The following ATP8A2 variants were observed in gnomAD, a reference collection of about 807,000 sequenced individuals.
ATP8A2 encodes phospholipid-transporting ATPase IB.
ATP8A2 carries 100 observed loss-of-function variants against 165.6 expected under a neutral mutation model. The ratio of observed to expected loss-of-function variants is 0.60; its 90% confidence interval spans 0.51 to 0.71. The LOEUF (loss-of-function observed/expected upper bound fraction) is 0.71. Ranked by LOEUF, ATP8A2 falls within the 30% of genes least tolerant of loss-of-function variation. The pLI is 0.00. For missense variants in ATP8A2, 1,227 were observed against 1,479.5 expected (o/e 0.83, Z 2.80); for synonymous variants, 543 against 548.8 (o/e 0.99, Z 0.15).
intron 33 of ATP8A2, among the ~76,000 whole-genome samples, chr13:25,900,244 A>C (rs903908675): frequency 2.6e-5 from 4 of 152,176 alleles, no homozygotes; most frequent in African/African-American, 9.7e-5. Flanking sequence ...AAACATGTAC[A>C]GGCACAATTG....
At chr13:25,807,154 G>GTTT (rs55690312) in intron 27 of ATP8A2, among the ~76,000 whole-genome samples, 2 of 145,970 alleles carry the variant, frequency 1.4e-5, no homozygotes, top group African/African-American at 5.0e-5. Context: ...TCTTTATAGT[G>GTTT]TTTTTTTTTT....
At chr13:25,659,017 A>G (rs1299405030) in intron 24 of ATP8A2, among the ~76,000 whole-genome samples, 1 of 152,206 alleles carries the variant, frequency 6.6e-6, no homozygotes, top group African/African-American at 2.4e-5. Context: ...TAAAGGTAGC[A>G]GGGCCTATCA....
At chr13:25,942,366 T>C (rs1955093877) in intron 33 of ATP8A2, among the ~76,000 whole-genome samples, 1 of 152,212 alleles carries the variant, frequency 6.6e-6, no homozygotes, top group Admixed American at 6.5e-5. Flanking sequence ...TTCTCTAACT[T>C]TTTTTATGGT....
At position 25,953,736 on chromosome 13, in the gene ATP8A2, G is replaced by A. The variant is rs117105181; in HGVS notation, c.3184-7839G>A. Among the ~76,000 whole-genome samples, 93 of 152,112 alleles carry A rather than the reference G, an allele frequency of 6.1e-4. No homozygotes were observed. Among genetic ancestry groups the A allele is most frequent in the Non-Finnish European group, 8.2e-4 (56 of 67,998 alleles). On this transcript the variant is annotated intron_variant, in intron 33 of 36. Coordinates refer to ENST00000381655, the MANE Select transcript of ATP8A2 (RefSeq NM_016529.6). The surrounding 1 kb of genome is among the most constrained non-coding windows in gnomAD (Gnocchi z 6.7). ...AGCAGGGTGGGGCGTTGCCTCACCC[G>A]GGAAGCACAGGGGATTGAGGAACTC...
chr13:25,393,793 G>A (rs1010522439), intron 1 of ATP8A2, among the ~76,000 whole-genome samples: 10 of 152,148 alleles, frequency 6.6e-5, no homozygotes, highest in Admixed American at 4.6e-4. Flanking sequence ...TGTTGTGCAT[G>A]CCTTGACTAT....
intron 33 of ATP8A2, among the ~76,000 whole-genome samples, chr13:25,875,171 G>A (rs1385924675): frequency 1.3e-5 from 2 of 152,152 alleles, no homozygotes; most frequent in East Asian, 2.0e-4. Context: ...TTAGAGAGCC[G>A]TTGCACAACA....
chr13:25,991,348 C>T (rs1425641974), intron 35 of ATP8A2, among the ~76,000 whole-genome samples: 1 of 152,154 alleles, frequency 6.6e-6, no homozygotes, highest in Admixed American at 6.5e-5. Flanking sequence ...TACTCAGTTT[C>T]CTTAAATGGT....
At chr13:25,398,269 G>A (rs890671729) in intron 1 of ATP8A2, among the ~76,000 whole-genome samples, 1 of 152,210 alleles carries the variant, frequency 6.6e-6, no homozygotes, top group Admixed American at 6.5e-5. Context: ...GCAGACTGGA[G>A]TTGGGGTCTT....
At chr13:25,917,080 A>G (rs1261636851) in intron 33 of ATP8A2, among the ~76,000 whole-genome samples, 1 of 152,206 alleles carries the variant, frequency 6.6e-6, no homozygotes, top group Non-Finnish European at 1.5e-5. Context: ...CAGATTGTAC[A>G]CAACTCAGAA....
At chr13:25,917,611 A>T (rs1488558195) in intron 33 of ATP8A2, among the ~76,000 whole-genome samples, 1 of 152,202 alleles carries the variant, frequency 6.6e-6, no homozygotes, top group Non-Finnish European at 1.5e-5. Flanking sequence ...ACACTGTGTC[A>T]CTCACTCTAC....
intron 2 of ATP8A2, among the ~76,000 whole-genome samples, chr13:25,470,107 A>G (rs940810602): frequency 1.3e-5 from 2 of 152,180 alleles, no homozygotes; most frequent in African/African-American, 4.8e-5. Context: ...GTATTCCACT[A>G]CTGCACTAAC....
chr13:25,921,598 G>A (rs1305993354), intron 33 of ATP8A2, among the ~76,000 whole-genome samples: 1 of 147,038 alleles, frequency 6.8e-6, no homozygotes, highest in Admixed American at 6.9e-5. Flanking sequence ...ACTCCAGCCT[G>A]GCAACAGAGC....
chr13:25,599,948 A>G (rs897042295), intron 24 of ATP8A2, among the ~76,000 whole-genome samples: 1 of 152,230 alleles, frequency 6.6e-6, no homozygotes, highest in Non-Finnish European at 1.5e-5. Context: ...TACCAACTAT[A>G]GGAACAGTCA....
At chr13:25,575,208 A>G (rs79884606) in intron 19 of ATP8A2, among the ~76,000 whole-genome samples, 16 of 152,172 alleles carry the variant, frequency 1.1e-4, no homozygotes, top group African/African-American at 3.6e-4. Flanking sequence ...AAGTCCCATG[A>G]GGTCATTCCT....
At chr13:25,801,880 A>T (rs1260906549) in intron 27 of ATP8A2, among the ~76,000 whole-genome samples, 4 of 152,130 alleles carry the variant, frequency 2.6e-5, no homozygotes, top group Admixed American at 6.5e-5. Flanking sequence ...TTCACATGGC[A>T]GCATCAAGGA....
intron 27 of ATP8A2, among the ~76,000 whole-genome samples, chr13:25,777,515 ATTACT>A (rs943969241): frequency 6.1e-4 from 93 of 152,346 alleles, no homozygotes; most frequent in African/African-American, 2.1e-3. Context: ...AATTAAATAC[ATTACT>A]TATTTATCTT....
intron 35 of ATP8A2, among the ~76,000 whole-genome samples, chr13:26,002,411 G>A (rs1956645017): frequency 6.6e-6 from 1 of 151,532 alleles, no homozygotes; most frequent in African/African-American, 2.4e-5. Context: ...ACCAGGGCCT[G>A]TCGTGGGGTG....
intron 32 of ATP8A2, 47 bp from the exon 33 acceptor site, chr13:25,862,254 G>A: frequency 7.0e-7 from 1 of 1,428,308 alleles, no homozygotes; most frequent in East Asian, 2.3e-5. Context: ...GGGTGAATCT[G>A]CCAGGCTGGT....
rs2038344678 is a variant in ATP8A2, at chr13:25,538,037, C to T, written c.557C>T (p.Ala186Val). The change falls in exon 7 of 37, where the codon GCA (alanine) becomes GTA (valine). Residue 186 changes from alanine (A) to valine (V), a missense_variant. This residue lies in a region of ATP8A2 where 356 missense variants were observed against 394.9 expected (regional missense o/e 0.90). Transcript: ENST00000381655. ...VKVVNGQYLPADVVLLSSSEP... is the reference protein window; with the variant it reads ...VKVVNGQYLPVDVVLLSSSEP... ...GTCGTCAATGGGCAGTATCTTCCAGCAGATGTGGTCCTGCTGTCATCCAGG... is the reference window on the plus strand; with the variant it reads ...GTCGTCAATGGGCAGTATCTTCCAGTAGATGTGGTCCTGCTGTCATCCAGG... 6.2e-7 allele frequency: 1 copy of T among 1,613,920 alleles called. No individual in the cohort carries two copies. Among genetic ancestry groups the T allele is most frequent in the East Asian group, 2.2e-5 (1 of 44,886 alleles).
Sources: gnomAD v4.1 joint callset for allele counts (sites outside exome capture counted in the v4.1 genomes callset) on GRCh38, gnomAD v4.1.1 for gene constraint, gnomAD v4.1.1 regional missense constraint, Gnocchi (gnomAD v3.1) non-coding constraint, MANE v1.5 for transcripts, NCBI Gene and HGNC (gene_info 2026-07-23, HGNC 2026-07-21) for gene names.